NKAIN2: variants seen among roughly 807,000 people sequenced by gnomAD.
The protein encoded by NKAIN2 is sodium/potassium-transporting ATPase subunit beta-1-interacting protein 2.
Under a neutral mutation model 32.6 loss-of-function variants are expected in NKAIN2, and 14 were observed. That is an observed-to-expected ratio of 0.43 (90% confidence interval 0.28 to 0.67). The LOEUF (loss-of-function observed/expected upper bound fraction) is 0.67. Ranked by LOEUF, NKAIN2 falls within the 30% of genes least tolerant of loss-of-function variation. The pLI is 0.17. For synonymous variants in NKAIN2, 80 were observed against 87.2 expected (o/e 0.92, Z 0.46); for missense variants, 198 against 258.3 (o/e 0.77, Z 1.60).
intron 1 of NKAIN2, among the ~76,000 whole-genome samples, chr6:124,055,999 A>C (rs1428640757): frequency 6.6e-6 from 1 of 152,090 alleles, no homozygotes; most frequent in Non-Finnish European, 1.5e-5. Flanking sequence ...ATAACTGTCT[A>C]AGTATAGCAT....
intron 4 of NKAIN2, among the ~76,000 whole-genome samples, chr6:124,735,869 A>G (rs1776912884): frequency 6.6e-6 from 1 of 151,824 alleles, no homozygotes; most frequent in Non-Finnish European, 1.5e-5. Flanking sequence ...CAGCCTCCCT[A>G]TTCTTTCATA....
chr6:124,267,263 A>C (rs1039857672), intron 1 of NKAIN2, among the ~76,000 whole-genome samples: 1 of 152,186 alleles, frequency 6.6e-6, no homozygotes, highest in African/African-American at 2.4e-5. Context: ...CAGAAAGTTA[A>C]CACCGTTTTC....
Position 123,976,704 on chromosome 6 carries a change from A to G in NKAIN2, c.54+172450A>G, listed in dbSNP as rs576403489. Among the ~76,000 whole-genome samples, 18 of 152,152 alleles carry G rather than the reference A, an allele frequency of 1.2e-4. No individual in the cohort carries two copies. In the South Asian group the frequency reaches 1.2e-3, roughly 11 times the overall value. ...TAACATATAAAATTAACTATCATGC[A>G]TCATATATTTACAAATGGCCAAGAA... is the stretch of plus-strand genomic sequence containing the variant. On this transcript the variant is annotated intron_variant, in intron 1 of 6. Transcript: ENST00000368417.
chr6:124,198,547 A>T (rs1270542662), intron 1 of NKAIN2, among the ~76,000 whole-genome samples: 1 of 151,660 alleles, frequency 6.6e-6, no homozygotes, highest in Non-Finnish European at 1.5e-5. Context: ...CAGTTCCAAG[A>T]GTTTCCCACC....
chr6:124,342,252 CA>C (rs1418483779), intron 2 of NKAIN2, among the ~76,000 whole-genome samples: 1 of 148,600 alleles, frequency 6.7e-6, no homozygotes, highest in African/African-American at 2.5e-5. Context: ...AAAAAAAATA[CA>C]AAAAAATTAG....
intron 2 of NKAIN2, among the ~76,000 whole-genome samples, chr6:124,299,055 G>C (rs1583012277): frequency 1.3e-5 from 2 of 152,196 alleles, no homozygotes; most frequent in African/African-American, 4.8e-5. Flanking sequence ...GGAATTCACT[G>C]CCCTGGCAGG....
intron 1 of NKAIN2, among the ~76,000 whole-genome samples, chr6:124,040,828 T>C (rs1456833893): frequency 6.6e-6 from 1 of 151,996 alleles, no homozygotes; most frequent in African/African-American, 2.4e-5. Context: ...GTGGTACTTA[T>C]TTCAGTGACA....
chr6:123,980,954 C>G (rs1778864930), intron 1 of NKAIN2, among the ~76,000 whole-genome samples: 1 of 151,588 alleles, frequency 6.6e-6, no homozygotes, highest in Admixed American at 6.6e-5. Flanking sequence ...ACTGCAACCT[C>G]CACCTCCCAG....
intron 3 of NKAIN2, among the ~76,000 whole-genome samples, chr6:124,531,568 A>AT (rs1472592274): frequency 6.6e-6 from 1 of 152,134 alleles, no homozygotes; most frequent in Non-Finnish European, 1.5e-5. Flanking sequence ...GTAAAAATGA[A>AT]TTTGGAAGTA....
chr6:124,011,212 C>T (rs1368560769), intron 1 of NKAIN2, among the ~76,000 whole-genome samples: 1 of 152,092 alleles, frequency 6.6e-6, no homozygotes, highest in Non-Finnish European at 1.5e-5. Flanking sequence ...TCTCTGAGTC[C>T]TCCTTGTTAG....
chr6:124,262,408 TGCA>T (rs762751403), intron 1 of NKAIN2, among the ~76,000 whole-genome samples: 3 of 152,158 alleles, frequency 2.0e-5, no homozygotes, highest in Non-Finnish European at 4.4e-5. Context: ...CTCTTGAAAT[TGCA>T]GCAGGATTCG....
chr6:124,787,323 C>T (rs1014008108), intron 4 of NKAIN2, among the ~76,000 whole-genome samples: 3 of 152,062 alleles, frequency 2.0e-5, no homozygotes, highest in African/African-American at 7.2e-5. Flanking sequence ...CTTAAAATAA[C>T]AGTGAATTAA....
intron 5 of NKAIN2, among the ~76,000 whole-genome samples, chr6:124,793,900 T>C (rs1483241880): frequency 6.6e-6 from 1 of 152,076 alleles, no homozygotes; most frequent in African/African-American, 2.4e-5. Context: ...ATATCCACAG[T>C]TCCCCGGGGA....
intron 3 of NKAIN2, among the ~76,000 whole-genome samples, chr6:124,425,980 T>C (rs1200210196): frequency 6.6e-6 from 1 of 152,094 alleles, no homozygotes; most frequent in East Asian, 1.9e-4. Flanking sequence ...TGCCAATAAA[T>C]CCTTAATAGC....
At chr6:124,630,257 G>A (rs1390353027) in intron 3 of NKAIN2, among the ~76,000 whole-genome samples, 1 of 152,012 alleles carries the variant, frequency 6.6e-6, no homozygotes, top group African/African-American at 2.4e-5. Flanking sequence ...ACAAGATCTG[G>A]GCAATAATAC....
At chr6:124,718,941 G>T (rs967687597) in intron 4 of NKAIN2, among the ~76,000 whole-genome samples, 32 of 152,198 alleles carry the variant, frequency 2.1e-4, no homozygotes, top group South Asian at 8.3e-4. Flanking sequence ...CATAATATTT[G>T]TTAATAGAGA....
At chr6:123,907,198 A>G (rs952184183) in intron 1 of NKAIN2, among the ~76,000 whole-genome samples, 1 of 152,220 alleles carries the variant, frequency 6.6e-6, no homozygotes, top group Non-Finnish European at 1.5e-5. Flanking sequence ...TACAAAATTC[A>G]TAGGAAAAAA....
intron 1 of NKAIN2, among the ~76,000 whole-genome samples, chr6:124,277,051 C>CA (rs921739151): frequency 1.3e-5 from 2 of 152,102 alleles, no homozygotes; most frequent in African/African-American, 4.8e-5. Flanking sequence ...GAATCCAAGG[C>CA]AAAATCACAG....
At chr6:124,322,224 A>G (rs1364073017) in intron 2 of NKAIN2, among the ~76,000 whole-genome samples, 2 of 152,214 alleles carry the variant, frequency 1.3e-5, no homozygotes, top group Admixed American at 6.5e-5. Context: ...CTTGAAGGTG[A>G]TGATTTAAAA....
Sources: allele counts gnomAD v4.1 joint callset (sites outside exome capture counted in the v4.1 genomes callset), GRCh38; gene constraint gnomAD v4.1.1; transcripts MANE v1.5; gene names NCBI Gene and HGNC (gene_info 2026-07-23, HGNC 2026-07-21).